The following PGM1 variants were observed in gnomAD, a reference collection of about 807,000 sequenced individuals.
PGM1 encodes the protein phosphoglucomutase 1.
PGM1 carries 52 observed loss-of-function variants against 55.6 expected under a neutral mutation model. The ratio of observed to expected loss-of-function variants is 0.94; its 90% confidence interval spans 0.75 to 1.18. The LOEUF (loss-of-function observed/expected upper bound fraction) is 1.18, where lower values mean the gene tolerates loss of function less well. PGM1 is among the 50% of genes most tolerant of loss of function. The pLI is 0.00. For synonymous variants in PGM1, 287 were observed against 271.7 expected, an observed-to-expected ratio of 1.06 and a Z score of -0.55; for missense variants, 724 against 729.3, an observed-to-expected ratio of 0.99 and a Z score of 0.08.
At chr1:63,657,424 C>A (rs755378770) in intron 10 of PGM1, among the ~76,000 whole-genome samples, 2 of 152,170 alleles carry the variant, frequency 1.3e-5, no homozygotes, top group Non-Finnish European at 2.9e-5. Flanking sequence ...TGTTTAAACA[C>A]TGTGGCTGGC....
At chr1:63,596,682 C>G (rs1436906984) in intron 1 of PGM1, among the ~76,000 whole-genome samples, 2 of 152,124 alleles carry the variant, frequency 1.3e-5, no homozygotes, top group East Asian at 3.9e-4. Context: ...CTTCAGAAAC[C>G]TTTCTTGACA....
At chr1:63,642,760 G>A (rs142568116) in intron 7 of PGM1, among the ~76,000 whole-genome samples, 23 of 152,288 alleles carry the variant, frequency 1.5e-4, no homozygotes, top group African/African-American at 5.1e-4. Flanking sequence ...TAGTGCTAAT[G>A]TATCATACAG....
chr1:63,630,192 T>C, intron 3 of PGM1, 104 bp downstream of exon 3: 1 of 1,131,034 alleles, frequency 8.8e-7, no homozygotes, highest in Admixed American at 1.7e-5. Flanking sequence ...AAGATTTCCG[T>C]GAGTGCTCTG....
intron 1 of PGM1, among the ~76,000 whole-genome samples, chr1:63,607,127 C>T (rs543494808): frequency 1.3e-5 from 2 of 152,224 alleles, no homozygotes; most frequent in Non-Finnish European, 2.9e-5. Context: ...ATCTCCCTTG[C>T]TTCCCTACCC....
intron 6 of PGM1, among the ~76,000 whole-genome samples, chr1:63,636,663 T>C (rs905271774): frequency 1.3e-5 from 2 of 152,220 alleles, no homozygotes; most frequent in Admixed American, 6.5e-5. Flanking sequence ...CTAGACTGTA[T>C]ACTTCTGCAG....
intron 8 of PGM1, chr1:63,651,415 A>T (rs1395799370): frequency 8.4e-6 from 4 of 476,642 alleles, no homozygotes; most frequent in African/African-American, 2.0e-5. Flanking sequence ...TTTATTCTGT[A>T]GAAATGCCAA....
intron 10 of PGM1, among the ~76,000 whole-genome samples, chr1:63,658,919 T>A (rs1650038687): frequency 6.6e-6 from 1 of 152,192 alleles, no homozygotes; most frequent in Admixed American, 6.5e-5. Flanking sequence ...GCAAGTCATG[T>A]CTTACATGAA....
intron 7 of PGM1, among the ~76,000 whole-genome samples, chr1:63,640,297 C>T (rs1649481050): frequency 6.6e-6 from 1 of 152,142 alleles, no homozygotes; most frequent in Admixed American, 6.5e-5. Context: ...AGTCTAGAGT[C>T]AGGTTTCCCA....
intron 7 of PGM1, among the ~76,000 whole-genome samples, chr1:63,642,014 C>T (rs1415984069): frequency 6.6e-6 from 1 of 152,168 alleles, no homozygotes; most frequent in Non-Finnish European, 1.5e-5. Flanking sequence ...AACCACCCAC[C>T]TCAATGGAGA....
Position 63,638,763 on chromosome 1 carries a change from C to T in PGM1, c.1107C>T (p.Ser369=). ...TTTTTGGGAATTTGATGGACGCGAGCAAACTGTCCCTTTGTGGGGAGGAGA... is the reference window on the plus strand; with the variant it reads ...TTTTTGGGAATTTGATGGACGCGAGTAAACTGTCCCTTTGTGGGGAGGAGA... ...WKFFGNLMDA[S]KLSLCGEESF... The change falls in exon 7 of 11, where the codon AGC becomes AGT. Residue 369 remains serine (S), a synonymous_variant. Transcript: ENST00000371084. The T allele has an allele frequency of 6.2e-7, 1 of 1,614,034 alleles. No individual in the cohort carries two copies. Among genetic ancestry groups the T allele is most frequent in the South Asian group, 1.1e-5 (1 of 91,070 alleles).
intron 10 of PGM1, among the ~76,000 whole-genome samples, chr1:63,658,345 G>GTTTT (rs34300625): frequency 4.4e-5 from 6 of 136,612 alleles, no homozygotes; most frequent in African/African-American, 1.3e-4. Flanking sequence ...CAGATTAGTA[G>GTTTT]TTTTTTTTTT....
In PGM1 at chr1:63,654,433, G is replaced by C. The variant is rs1557445519; in HGVS notation, c.1566G>C (p.Glu522Asp). The change falls in exon 10 of 11, where the codon GAG becomes GAC. Residue 522 changes from glutamate (E) to aspartate (D), a missense_variant. This residue lies in a region of PGM1 where 316 missense variants were observed against 313.1 expected (regional missense o/e 1.01). Coordinates refer to ENST00000371084, the MANE Select transcript of PGM1 (RefSeq NM_002633.3). Reference protein sequence around the residue: ...ATIRLYIDSYEKDVAKINQDP... With the variant: ...ATIRLYIDSYDKDVAKINQDP... ...TTCGGCTGTACATCGATAGCTATGA[G>C]AAGGACGTTGCCAAGATTAACCAGG... 6.2e-7 allele frequency: 1 copy of C among 1,614,092 alleles called. No homozygotes were observed. Among genetic ancestry groups the C allele is most frequent in the African/African-American group, 1.3e-5 (1 of 75,056 alleles).
chr1:63,635,190 A>C (rs1209256222), intron 5 of PGM1, among the ~76,000 whole-genome samples, 171 bp downstream of exon 5: 1 of 152,192 alleles, frequency 6.6e-6, no homozygotes, highest in Non-Finnish European at 1.5e-5. Flanking sequence ...CAGGAATAGG[A>C]GTCATTGAAA....
At chr1:63,657,042 G>A (rs1207458891) in intron 10 of PGM1, among the ~76,000 whole-genome samples, 3 of 152,238 alleles carry the variant, frequency 2.0e-5, no homozygotes, top group Admixed American at 2.0e-4. Context: ...CTTGACTCTA[G>A]TAATCAGTTC....
chr1:63,607,160 G>GTCTA (rs1485775833), intron 1 of PGM1, among the ~76,000 whole-genome samples: 1 of 152,192 alleles, frequency 6.6e-6, no homozygotes, highest in Admixed American at 6.5e-5. Context: ...GCAGCCGTTA[G>GTCTA]TCTACTTTCA....
intron 7 of PGM1, among the ~76,000 whole-genome samples, chr1:63,644,992 C>CA (rs1395976353): frequency 2.0e-5 from 3 of 152,336 alleles, no homozygotes; most frequent in East Asian, 3.9e-4. Context: ...CACGTACCTG[C>CA]ACCATTGGTA....
In PGM1 at chr1:63,629,496, C is replaced by G. The variant is rs781551165; in HGVS notation, c.318C>G (p.Ile106Met). ...CTGTATCCTGCATCATTAGAAAAAT[C>G]AAAGCCATTGGTGGGATCATTCTGA... is the stretch of plus-strand genomic sequence containing the variant. ...TPAVSCIIRK[I>M]KAIGGIILTA... Residue 106 changes from isoleucine to methionine, a missense_variant, in exon 2 of 11, where the codon ATC becomes ATG. Physicochemically the swap from Ile to Met is conservative, Grantham distance 10 (BLOSUM62 1). Transcript: ENST00000371084. 2.0e-5 allele frequency: 32 copies of G among 1,613,348 alleles called. No homozygotes were observed. The highest frequency in any genetic ancestry group is 1.6e-4 in the Middle Eastern group (1 of 6,080).
At chr1:63,607,991 A>G (rs1173705730) in intron 1 of PGM1, among the ~76,000 whole-genome samples, 1 of 152,240 alleles carries the variant, frequency 6.6e-6, no homozygotes, top group African/African-American at 2.4e-5. Flanking sequence ...GAGATTTGTC[A>G]TGACTGAGGA....
intron 1 of PGM1, among the ~76,000 whole-genome samples, chr1:63,604,860 C>T (rs1372836928): frequency 5.9e-5 from 9 of 151,938 alleles, no homozygotes; most frequent in Admixed American, 3.9e-4. Flanking sequence ...ATCAGGCCCC[C>T]TGTCCCCACT....
Sources: allele counts gnomAD v4.1 joint callset (sites outside exome capture counted in the v4.1 genomes callset), GRCh38; gene constraint gnomAD v4.1.1; regional missense constraint gnomAD v4.1.1; transcripts MANE v1.5; gene names NCBI Gene and HGNC (gene_info 2026-07-23, HGNC 2026-07-21).